Variants in CWF19L2 observed in about 807,000 individuals in gnomAD.
The protein encoded by CWF19L2 is CWF19-like protein 2.
A neutral mutation model predicts 111.7 loss-of-function variants in CWF19L2; 98 were observed. The observed-to-expected ratio is 0.88, with a 90% CI of 0.75 to 1.04. The LOEUF is 1.04. Among genes scored for constraint, CWF19L2 ranks in the 50% least tolerant of loss-of-function variants. CWF19L2 has a pLI of 0.00. For synonymous variants in CWF19L2, 351 were observed against 342.9 expected (o/e 1.02, Z -0.26); for missense variants, 1,101 against 1,051.4 (o/e 1.05, Z -0.65).
chr11:107,407,377 C>T (rs1284456129), intron 10 of CWF19L2, among the ~76,000 whole-genome samples: 1 of 148,938 alleles, frequency 6.7e-6, no homozygotes, highest in Non-Finnish European at 1.5e-5. Flanking sequence ...GACATCGTCC[C>T]TCCATCTAAC....
chr11:107,417,296 A>G (rs1316345877), intron 9 of CWF19L2, among the ~76,000 whole-genome samples: 2 of 152,206 alleles, frequency 1.3e-5, no homozygotes, highest in East Asian at 3.8e-4. Context: ...ATATTATTTT[A>G]ATATGCATGT....
At chr11:107,346,182 G>A (rs117452607) in intron 14 of CWF19L2, among the ~76,000 whole-genome samples, 2,004 of 152,124 alleles carry the variant, frequency 0.013, 25 homozygotes, top group South Asian at 0.039. Context: ...AACTATTAAC[G>A]CTATATAGGA....
intron 12 of CWF19L2, among the ~76,000 whole-genome samples, chr11:107,363,337 T>C (rs1363895536): frequency 1.3e-5 from 2 of 151,842 alleles, no homozygotes; most frequent in African/African-American, 4.8e-5. Flanking sequence ...ACAAAGATAC[T>C]CCTCGAGAAG....
intron 7 of CWF19L2, among the ~76,000 whole-genome samples, chr11:107,432,308 T>C (rs147374704): frequency 9.2e-5 from 14 of 152,348 alleles, no homozygotes; most frequent in African/African-American, 3.4e-4. Flanking sequence ...CTGGGCGCAG[T>C]GGCTCACGCC....
chr11:107,405,208 C>T (rs1326000281), intron 10 of CWF19L2, among the ~76,000 whole-genome samples: 1 of 152,204 alleles, frequency 6.6e-6, no homozygotes, highest in Non-Finnish European at 1.5e-5. Context: ...CACAACCATG[C>T]TCATTCATTT....
Position 107,429,291 on chromosome 11 carries a change from G to A in CWF19L2, c.941C>T (p.Ser314Leu). ...ATCTGTTGTAGCATATCTATCCCTTGAACTGTTACCATATTTTACTAAGTC... is the reference window on the plus strand; with the variant it reads ...ATCTGTTGTAGCATATCTATCCCTTAAACTGTTACCATATTTTACTAAGTC... ...ESDLVKYGNS[S>L]RDRYATTDTA... is the part of the protein sequence containing the mutation. Residue 314 changes from serine to leucine, a missense_variant, in exon 8 of 18, where the codon TCA becomes TTA. Coordinates refer to ENST00000282251, the MANE Select transcript of CWF19L2 (RefSeq NM_152434.3). The A allele has an allele frequency of 1.2e-6, 2 of 1,612,816 alleles. No individual in the cohort carries two copies. The highest frequency in any genetic ancestry group is 1.7e-6 in the Non-Finnish European group (2 of 1,179,454).
At chr11:107,331,566 C>G (rs957184116) in intron 16 of CWF19L2, among the ~76,000 whole-genome samples, 4 of 152,200 alleles carry the variant, frequency 2.6e-5, no homozygotes, top group African/African-American at 9.6e-5. Flanking sequence ...GGAATGGATT[C>G]TTTCTAGGGC....
At chr11:107,346,291 C>T (rs1860079182) in intron 14 of CWF19L2, among the ~76,000 whole-genome samples, 2 of 152,040 alleles carry the variant, frequency 1.3e-5, no homozygotes, top group African/African-American at 4.8e-5. Context: ...TGTTATGCAA[C>T]AGAACAGAAC....
chr11:107,414,702 T>A (rs1359165506), intron 10 of CWF19L2, among the ~76,000 whole-genome samples: 2 of 152,140 alleles, frequency 1.3e-5, no homozygotes, highest in African/African-American at 4.8e-5. Context: ...GGCTATTCTT[T>A]CAGCTGCTCA....
chr11:107,361,445 T>G (rs953528664), intron 12 of CWF19L2, among the ~76,000 whole-genome samples: 1 of 152,220 alleles, frequency 6.6e-6, no homozygotes, highest in East Asian at 1.9e-4. Flanking sequence ...TTAGGATTTC[T>G]TTGGCTATTA....
intron 3 of CWF19L2, among the ~76,000 whole-genome samples, chr11:107,450,537 GTCAA>G (rs1385051389): frequency 6.6e-6 from 1 of 151,914 alleles, no homozygotes; most frequent in Non-Finnish European, 1.5e-5. Flanking sequence ...GCAAGACTCT[GTCAA>G]TCAATCAATA....
intron 10 of CWF19L2, chr11:107,404,057 T>C (rs1210885421): frequency 1.3e-6 from 1 of 770,328 alleles, no homozygotes. Flanking sequence ...CATAATCATC[T>C]GGATCTTCAG....
At chr11:107,359,532 A>G (rs1860291418) in intron 12 of CWF19L2, among the ~76,000 whole-genome samples, 1 of 152,148 alleles carries the variant, frequency 6.6e-6, no homozygotes, top group Admixed American at 6.5e-5. Flanking sequence ...AGGAGTGACT[A>G]TTACCCTTTG....
intron 3 of CWF19L2, among the ~76,000 whole-genome samples, chr11:107,450,169 C>T (rs973904730): frequency 6.6e-6 from 1 of 151,686 alleles, no homozygotes; most frequent in South Asian, 2.1e-4. Context: ...TTTGGGAGTC[C>T]CAGGTGGGAG....
Position 107,428,898 on chromosome 11 carries a change from T to A in CWF19L2, c.1334A>T (p.His445Leu). ...PSETSTDEHQ[H>L]VPEDPREKSQ... is the part of the protein sequence containing the mutation. ...TTTTTCTCTTGGGTCTTCTGGAACA[T>A]GTTGGTGTTCATCAGTACTGGTTTC... The change falls in exon 8 of 18, where the codon CAT (histidine) becomes CTT (leucine). Residue 445 changes from histidine (H) to leucine (L), a missense_variant. Transcript: ENST00000282251. The A allele has an allele frequency of 6.2e-7, 1 of 1,613,684 alleles. No individual in the cohort carries two copies. Among genetic ancestry groups the A allele is most frequent in the Non-Finnish European group, 8.5e-7 (1 of 1,179,682 alleles).
At position 107,453,405 on chromosome 11, in the gene CWF19L2, A is replaced by T. The variant is rs377514798; in HGVS notation, c.339+1045T>A. ...TGCACAATGTGCAGCTCCAAAAGAG[A>T]CCCTGTCCTTCTGCTTGAGGAGAGG... is the stretch of plus-strand genomic sequence containing the variant. On this transcript the variant is annotated intron_variant, in intron 3 of 17. Coordinates refer to ENST00000282251, the MANE Select transcript of CWF19L2 (RefSeq NM_152434.3). Among the ~76,000 whole-genome samples, 7 of 151,948 alleles carry T rather than the reference A, an allele frequency of 4.6e-5. No individual in the cohort carries two copies. In the East Asian group the frequency reaches 9.7e-4, roughly 21 times the overall value.
intron 1 of CWF19L2, among the ~76,000 whole-genome samples, chr11:107,457,196 A>G (rs17106969): frequency 6.6e-6 from 1 of 152,292 alleles, no homozygotes; most frequent in South Asian, 2.1e-4. Flanking sequence ...GGCTAAATAT[A>G]CTGAGATTGG....
At chr11:107,440,205 TG>T (rs1861602354) in intron 5 of CWF19L2, among the ~76,000 whole-genome samples, 1 of 151,464 alleles carries the variant, frequency 6.6e-6, no homozygotes, top group Non-Finnish European at 1.5e-5. Context: ...ACCCTGGGAG[TG>T]GGGGGTTAGA....
chr11:107,454,566 A>G lies in CWF19L2; in HGVS notation c.223T>C (p.Ser75Pro). The change falls in exon 3 of 18, where the codon TCT becomes CCT. Residue 75 changes from serine to proline, a missense_variant. Coordinates refer to ENST00000282251, the MANE Select transcript of CWF19L2 (RefSeq NM_152434.3). ...TCTTTTTTCTTCTTTTTCTTCACAG[A>G]GTGTTCCTACAATCATTTTGAACAG... ...ERIEQFSQEH[S>P]VKKKKKKDKH... is the part of the protein sequence containing the mutation. 1 of 1,420,186 alleles carries G rather than the reference A, an allele frequency of 7.0e-7. No individual in the cohort carries two copies. The highest frequency in any genetic ancestry group is 9.2e-7 in the Non-Finnish European group (1 of 1,091,204). The allele number at this position is 1,420,186 out of a possible 1,614,324, so 88.0% of individuals were successfully genotyped here. A position where few individuals can be genotyped will look rare whatever the true frequency, so the allele number is the denominator to read the frequency against.
Sources: gnomAD v4.1 joint callset for allele counts (sites outside exome capture counted in the v4.1 genomes callset) on GRCh38, gnomAD v4.1.1 for gene constraint, MANE v1.5 for transcripts, NCBI Gene and HGNC (gene_info 2026-07-23, HGNC 2026-07-21) for gene names.